ARID1A: variants seen among roughly 807,000 people sequenced by gnomAD.
ARID1A encodes the protein AT-rich interactive domain-containing protein 1A.
A neutral mutation model predicts 212.6 loss-of-function variants in ARID1A; 20 were observed. The ratio of observed to expected loss-of-function variants is 0.09; its 90% confidence interval spans 0.07 to 0.14. The LOEUF is 0.14. Ranked by LOEUF, ARID1A falls within the 10% of genes least tolerant of loss-of-function variation. The pLI is 1.00. For synonymous variants in ARID1A, 1,376 were observed against 1,222.1 expected (o/e 1.13, Z -2.63); for missense variants, 2,587 against 3,059.0 (o/e 0.85, Z 3.64).
intron 4 of ARID1A, among the ~76,000 whole-genome samples, chr1:26,746,752 G>A (rs975177190): frequency 6.6e-6 from 1 of 152,058 alleles, no homozygotes; most frequent in Non-Finnish European, 1.5e-5. Context: ...TTAGCTGGGT[G>A]TGGGCTGGGT....
rs765143662 is a variant in ARID1A at position 26,732,679 on chromosome 1, C to T, written c.1807C>T (p.Leu603=). 2.5e-5 allele frequency: 40 copies of T among 1,611,504 alleles called. No individual in the cohort carries two copies. The South Asian group carries it at 4.0e-4, about 16-fold the overall frequency. ...GCTTTTGTTTTTCTTGTTGTAGGAGCTATCTCAAGATTCATTTGGGTCTCA... is the reference window on the plus strand; with the variant it reads ...GCTTTTGTTTTTCTTGTTGTAGGAGTTATCTCAAGATTCATTTGGGTCTCA... ...SQQRFPPPQE[L]SQDSFGSQAS... The change falls in exon 4 of 20, where the codon CTA becomes TTA. Residue 603 remains leucine, a synonymous_variant. Coordinates refer to ENST00000324856, the MANE Select transcript of ARID1A (RefSeq NM_006015.6).
intron 1 of ARID1A, among the ~76,000 whole-genome samples, chr1:26,706,218 A>C (rs1183042309): frequency 6.6e-6 from 1 of 152,148 alleles, no homozygotes; most frequent in Non-Finnish European, 1.5e-5. Context: ...CCAAGTCTGC[A>C]AAGTTAGATA....
At chr1:26,716,724 C>G (rs2124770285) in intron 1 of ARID1A, among the ~76,000 whole-genome samples, 1 of 152,268 alleles carries the variant, frequency 6.6e-6, no homozygotes, top group East Asian at 1.9e-4. Context: ...CTCCCAGGTT[C>G]AAACCATTCT....
chr1:26,699,185 T>C (rs2080308754), intron 1 of ARID1A, among the ~76,000 whole-genome samples: 1 of 152,252 alleles, frequency 6.6e-6, no homozygotes, highest in Admixed American at 6.5e-5. Flanking sequence ...TTTTTTCTTG[T>C]CTTCCAAGAT....
At chr1:26,704,729 G>A (rs747554158) in intron 1 of ARID1A, among the ~76,000 whole-genome samples, 84 of 152,066 alleles carry the variant, frequency 5.5e-4, no homozygotes, top group Admixed American at 2.5e-3. Flanking sequence ...GTGGTGGTAC[G>A]TGCCTGTAGT....
rs2124789656 is a variant in ARID1A at position 26,731,465 on chromosome 1, A to G, written c.1664A>G (p.Gln555Arg). The G allele has an allele frequency of 6.2e-7, 1 of 1,613,382 alleles. No individual in the cohort carries two copies. Among genetic ancestry groups the G allele is most frequent in the Non-Finnish European group, 8.5e-7 (1 of 1,179,842 alleles). ...PQSQPPYSQP[Q>R]AQSPYQQQQP... ...AGCCAGCCCCCCTACTCACAGCCAC[A>G]GGCTCAGTCTCCTTACCAGCAGCAG... Residue 555 changes from glutamine to arginine, a missense_variant, in exon 3 of 20, where the codon CAG (glutamine) becomes CGG (arginine). Gln to Arg is a conservative substitution (Grantham distance 43). Coordinates refer to ENST00000324856, the MANE Select transcript of ARID1A (RefSeq NM_006015.6).
rs2080246883 is a variant in ARID1A at position 26,696,110 on chromosome 1, T to TC, written c.-294_-293insC. ...CCCCCCTCATTCCCAGGCAAGGGCTTGGGGGGAATGAGCCGGGAGAGCCGG... is the reference window on the plus strand; with the variant it reads ...CCCCCCTCATTCCCAGGCAAGGGCTTCGGGGGGAATGAGCCGGGAGAGCCGG... On this transcript the variant is annotated 5_prime_UTR_variant, in exon 1 of 20. Transcript: ENST00000324856. 1 of 436,546 alleles carries TC rather than the reference T, an allele frequency of 2.3e-6. No homozygotes were observed. Among genetic ancestry groups the TC allele is most frequent in the South Asian group, 1.0e-4 (1 of 9,972 alleles). 27.0% of individuals were successfully genotyped at this position (436,546 alleles called of 1,614,324 possible).
rs2124117829 is a variant in ARID1A at position 26,774,443 on chromosome 1, C to T, written c.4216C>T (p.Pro1406Ser). The change falls in exon 18 of 20, where the codon CCC (proline) becomes TCC (serine). Residue 1406 changes from proline to serine, a missense_variant. Around this residue, in one of 11 missense-constraint regions of ARID1A, gnomAD observed 890 missense variants for 1,098.2 expected, o/e 0.81. Coordinates refer to ENST00000324856, the MANE Select transcript of ARID1A (RefSeq NM_006015.6). This position sits in a 1 kb window ranked among gnomAD's most constrained non-coding sequence, Gnocchi z 5.6. ...GGGGCAGCCTCAGCAGCAGCAGTTG[C>T]CCCCAGCCCAGCCCCAGCCTGCCAG... ...GQGQPQQQQLPPAQPQPASQQ... is the reference protein window; with the variant it reads ...GQGQPQQQQLSPAQPQPASQQ... The T allele has an allele frequency of 6.2e-7, 1 of 1,613,390 alleles. No individual in the cohort carries two copies. The highest frequency in any genetic ancestry group is 1.1e-5 in the South Asian group (1 of 90,976).
chr1:26,776,741 A>G (rs1422845748), intron 19 of ARID1A, among the ~76,000 whole-genome samples: 2 of 152,048 alleles, frequency 1.3e-5, no homozygotes, highest in Non-Finnish European at 2.9e-5. Flanking sequence ...AATAGTTACC[A>G]TTTATCGTGC....
chr1:26,722,435 G>A (rs1452913406), intron 1 of ARID1A, among the ~76,000 whole-genome samples: 2 of 152,042 alleles, frequency 1.3e-5, no homozygotes, highest in Non-Finnish European at 2.9e-5. Context: ...TAGTAGAGAC[G>A]GGGTTTCACC....
At chr1:26,736,783 T>C (rs545772474) in intron 4 of ARID1A, among the ~76,000 whole-genome samples, 198 of 150,798 alleles carry the variant, frequency 1.3e-3, no homozygotes, top group African/African-American at 4.5e-3. Flanking sequence ...ATACCTGTAA[T>C]CCCATCTACT....
intron 4 of ARID1A, among the ~76,000 whole-genome samples, chr1:26,738,843 G>A (rs1240639448): frequency 6.6e-6 from 1 of 150,674 alleles, no homozygotes; most frequent in Admixed American, 6.6e-5. Context: ...ATAGGCGTCA[G>A]CCACTGCGCC....
In ARID1A at chr1:26,761,257, C is replaced by T. The variant is rs540216534; in HGVS notation, c.2162-127C>T. The T allele has an allele frequency of 2.8e-6, 4 of 1,450,600 alleles. No individual in the cohort carries two copies. The South Asian group carries it at 4.0e-5, about 14-fold the overall frequency. 89.9% of individuals were successfully genotyped at this position (1,450,600 alleles called of 1,614,324 possible). A position where few individuals can be genotyped will look rare whatever the true frequency, so the allele number is the denominator to read the frequency against. On this transcript the variant is annotated intron_variant, in intron 5 of 19. Coordinates refer to ENST00000324856, the MANE Select transcript of ARID1A (RefSeq NM_006015.6). ...GGAGATTGGAACCTGTTGGCTGGAT[C>T]TCTTTGTGTGTGATACTGGGAGGTA...
chr1:26,758,591 C>G (rs2080962214), intron 4 of ARID1A, among the ~76,000 whole-genome samples: 1 of 150,824 alleles, frequency 6.6e-6, no homozygotes, highest in South Asian at 2.1e-4. Flanking sequence ...TGTACTGCAG[C>G]CTGGGGTAAC....
chr1:26,706,531 G>C (rs1378529822), intron 1 of ARID1A, among the ~76,000 whole-genome samples: 1 of 152,178 alleles, frequency 6.6e-6, no homozygotes, highest in Non-Finnish European at 1.5e-5. Flanking sequence ...TTTGGGCCCA[G>C]CTGTTTACTC....
chr1:26,743,894 C>G (rs1022662538), intron 4 of ARID1A, among the ~76,000 whole-genome samples: 1 of 151,988 alleles, frequency 6.6e-6, no homozygotes, highest in African/African-American at 2.4e-5. Flanking sequence ...CAGTCCTTAT[C>G]TAGGTTTTTG....
chr1:26,728,875 G>A (rs1274204206), intron 1 of ARID1A: 1 of 152,168 alleles, frequency 6.6e-6, no homozygotes, highest in African/African-American at 2.4e-5. Flanking sequence ...GCTCCACAAA[G>A]AGCTGGAAAG....
At position 26,697,529 on chromosome 1, in the gene ARID1A, C is replaced by G. The variant is rs1018092020; in HGVS notation, c.1126C>G (p.Arg376Gly). The change falls in exon 1 of 20, where the codon CGG becomes GGG. Residue 376 changes from arginine (R) to glycine (G), a missense_variant. This residue lies in a region of ARID1A where 735 missense variants were observed against 590.6 expected (regional missense o/e 1.24). Coordinates refer to ENST00000324856, the MANE Select transcript of ARID1A (RefSeq NM_006015.6). Reference protein sequence around the residue: ...SSGGGGQPLARTPQPSSPMDQ... With the variant: ...SSGGGGQPLAGTPQPSSPMDQ... ...CGGCGGCGGGGGGCAGCCGCTCGCC[C>G]GGACCCCTCAGGTACACAGCTGAGT... 2 of 1,390,538 alleles carry G rather than the reference C, an allele frequency of 1.4e-6. No homozygotes were observed. The highest frequency in any genetic ancestry group is 1.5e-5 in the African/African-American group (1 of 65,668). The allele number at this position is 1,390,538 out of a possible 1,614,324, so 86.1% of individuals were successfully genotyped here.
At position 26,781,159 on chromosome 1, in the gene ARID1A, TAAA is replaced by T. The variant is rs71007893; in HGVS notation, c.*419_*421del. The T allele has an allele frequency of 1.3e-3, 246 of 194,408 alleles. No homozygotes were observed. The highest frequency in any genetic ancestry group is 1.5e-3 in the Non-Finnish European group (152 of 103,332). 12.0% of individuals were successfully genotyped at this position (194,408 alleles called of 1,614,324 possible). A position where few individuals can be genotyped will look rare whatever the true frequency, so the allele number is the denominator to read the frequency against. ...CACATTTCATAACTGTTTTTAATGG[TAAA>T]AAAAAAAAAAAAAAATACAAAAAAA... is the stretch of plus-strand genomic sequence containing the variant. On this transcript the variant is annotated 3_prime_UTR_variant, in exon 20 of 20. Coordinates refer to ENST00000324856, the MANE Select transcript of ARID1A (RefSeq NM_006015.6).
Sources: gnomAD v4.1 joint callset for allele counts (sites outside exome capture counted in the v4.1 genomes callset) on GRCh38, gnomAD v4.1.1 for gene constraint, gnomAD v4.1.1 regional missense constraint, Gnocchi (gnomAD v3.1) non-coding constraint, MANE v1.5 for transcripts, NCBI Gene and HGNC (gene_info 2026-07-23, HGNC 2026-07-21) for gene names.